The following NALCN variants were observed in gnomAD, a reference collection of about 807,000 sequenced individuals.
NALCN encodes sodium leak channel, non-selective.
In NALCN, 111 loss-of-function variants were observed where a neutral mutation model predicts 225.3. The observed-to-expected ratio is 0.49, with a 90% CI of 0.42 to 0.58. The LOEUF (loss-of-function observed/expected upper bound fraction) is 0.58. Ranked by LOEUF, NALCN falls within the 20% of genes least tolerant of loss-of-function variation. NALCN has a pLI of 0.00. For missense variants in NALCN, 1,378 were observed against 2,202.4 expected (o/e 0.63, Z 7.49); for synonymous variants, 764 against 769.0 (o/e 0.99, Z 0.11).
At chr13:101,346,698 T>C (rs992682808) in intron 6 of NALCN, among the ~76,000 whole-genome samples, 2 of 152,120 alleles carry the variant, frequency 1.3e-5, no homozygotes, top group African/African-American at 4.8e-5. Context: ...ATAAAGGATT[T>C]AGATATGTAA....
chr13:101,208,173 A>T (rs1024617083), intron 13 of NALCN, among the ~76,000 whole-genome samples: 2 of 152,210 alleles, frequency 1.3e-5, no homozygotes, highest in Non-Finnish European at 2.9e-5. Flanking sequence ...TCCTGAAGCC[A>T]GCAAGACCAC....
intron 37 of NALCN, among the ~76,000 whole-genome samples, chr13:101,070,681 C>CTTG (rs2032811216): frequency 6.6e-6 from 1 of 152,108 alleles, no homozygotes; most frequent in Admixed American, 6.6e-5. Context: ...CAGTAGGTCT[C>CTTG]AAGAGTGGGC....
intron 13 of NALCN, among the ~76,000 whole-genome samples, chr13:101,202,854 G>A (rs1029248388): frequency 1.3e-5 from 2 of 152,172 alleles, no homozygotes; most frequent in African/African-American, 4.8e-5. Context: ...GAGGGACTGC[G>A]TTTAAGATAG....
At chr13:101,073,732 A>C in intron 36 of NALCN, 55 bp from the exon 37 acceptor site, 1 of 1,482,098 alleles carries the variant, frequency 6.7e-7, no homozygotes, top group South Asian at 1.2e-5. Context: ...GTTTGTCATG[A>C]AATAGCATGG....
chr13:101,319,657 AG>A (rs1464737649), intron 7 of NALCN, among the ~76,000 whole-genome samples: 2 of 152,214 alleles, frequency 1.3e-5, no homozygotes, highest in African/African-American at 4.8e-5. Flanking sequence ...TGAGAAAAAA[AG>A]GTAAAAGATT....
At chr13:101,340,388 T>A (rs1211107292) in intron 7 of NALCN, among the ~76,000 whole-genome samples, 1 of 152,212 alleles carries the variant, frequency 6.6e-6, no homozygotes, top group Non-Finnish European at 1.5e-5. Flanking sequence ...AGATGCAGTG[T>A]GTGAGTGTGA....
At chr13:101,250,033 G>C (rs569058089) in intron 11 of NALCN, among the ~76,000 whole-genome samples, 8 of 152,032 alleles carry the variant, frequency 5.3e-5, no homozygotes, top group Non-Finnish European at 1.0e-4. Flanking sequence ...TAGTAAAGTT[G>C]CTGGCTATGA....
chr13:101,331,402 T>C (rs68049138), intron 7 of NALCN, among the ~76,000 whole-genome samples: 11,740 of 152,148 alleles, frequency 0.077, 571 homozygotes, highest in African/African-American at 0.13. Flanking sequence ...GATGTTGGAA[T>C]TGAAAATTCG....
intron 11 of NALCN, among the ~76,000 whole-genome samples, chr13:101,251,900 C>T (rs1029670852): frequency 2.0e-5 from 3 of 152,152 alleles, no homozygotes; most frequent in Non-Finnish European, 4.4e-5. Context: ...GACAAGACAA[C>T]TTAATACATA....
chr13:101,314,194 G>T (rs2044466727), intron 7 of NALCN, among the ~76,000 whole-genome samples: 1 of 151,090 alleles, frequency 6.6e-6, no homozygotes, highest in African/African-American at 2.4e-5. Flanking sequence ...ATAGCATTTG[G>T]AGATAGGCCT....
chr13:101,217,697 G>A (rs1171009121), intron 13 of NALCN, among the ~76,000 whole-genome samples: 7 of 152,066 alleles, frequency 4.6e-5, no homozygotes, highest in African/African-American at 1.7e-4. Context: ...AAGGCAGTAA[G>A]ACCCATGTGT....
At chr13:101,170,036 G>A (rs530587186) in intron 15 of NALCN, among the ~76,000 whole-genome samples, 5 of 152,112 alleles carry the variant, frequency 3.3e-5, no homozygotes, top group Non-Finnish European at 7.3e-5. Context: ...CCTTGCTACC[G>A]CCCTCAATCT....
At chr13:101,343,283 C>A (rs2045614476) in intron 7 of NALCN, among the ~76,000 whole-genome samples, 1 of 152,126 alleles carries the variant, frequency 6.6e-6, no homozygotes, top group African/African-American at 2.4e-5. Flanking sequence ...ACAAGATCAA[C>A]ATTTCATTAT....
intron 28 of NALCN, 85 bp downstream of exon 28, chr13:101,095,489 T>C: frequency 1.9e-6 from 2 of 1,061,456 alleles, no homozygotes; most frequent in African/African-American, 3.2e-5. Context: ...AAACTACTTT[T>C]AGTTACATGC....
At chr13:101,126,221 G>A (rs1295581820) in intron 17 of NALCN, among the ~76,000 whole-genome samples, 1 of 152,176 alleles carries the variant, frequency 6.6e-6, no homozygotes, top group Admixed American at 6.5e-5. Context: ...CAGCAGATAT[G>A]TAGTAAAGAT....
At chr13:101,151,643 T>C (rs2139825897) in intron 15 of NALCN, among the ~76,000 whole-genome samples, 1 of 152,356 alleles carries the variant, frequency 6.6e-6, no homozygotes, top group Admixed American at 6.5e-5. Context: ...CTTTACACAG[T>C]GGCTTTAGCT....
chr13:101,127,158 T>C (rs117060758), intron 17 of NALCN, among the ~76,000 whole-genome samples: 1,743 of 152,304 alleles, frequency 0.011, 20 homozygotes, highest in Admixed American at 0.018. Context: ...TGGTACACTA[T>C]TGCCTAAATG....
At chr13:101,400,590 T>TGC (rs1242134119) in intron 1 of NALCN, among the ~76,000 whole-genome samples, 8 of 142,726 alleles carry the variant, frequency 5.6e-5, no homozygotes, top group African/African-American at 2.1e-4. Flanking sequence ...TGCACGTGTG[T>TGC]GCGCGCGCAC....
rs185599241 is a variant in NALCN, at chr13:101,142,850, G to C, written c.2118+230C>G. 6.7e-4 allele frequency: 341 copies of C among 505,970 alleles called. 2 individuals carry two copies. The highest frequency in any genetic ancestry group is 5.8e-3 in the African/African-American group (301 of 51,578). The allele number at this position is 505,970 out of a possible 1,614,324, so 31.3% of individuals were successfully genotyped here. ...TTGGGAGGCTCTTGATGTTTACAAA[G>C]TCGCATGGCTGCCACGTGGCGCAGC... On this transcript the variant is annotated intron_variant, in intron 17 of 43. Transcript: ENST00000251127.
Sources: gnomAD v4.1 joint callset for allele counts (sites outside exome capture counted in the v4.1 genomes callset) on GRCh38, gnomAD v4.1.1 for gene constraint, MANE v1.5 for transcripts, NCBI Gene and HGNC (gene_info 2026-07-23, HGNC 2026-07-21) for gene names.